The following KATNIP variants were observed in gnomAD, a reference collection of about 807,000 sequenced individuals.
KATNIP encodes katanin-interacting protein.
In KATNIP, 126 loss-of-function variants were observed where a neutral mutation model predicts 174.0. The ratio of observed to expected loss-of-function variants is 0.72; its 90% confidence interval spans 0.63 to 0.84. The LOEUF is 0.84. KATNIP is among the 40% of genes least tolerant of loss of function. KATNIP has a pLI of 0.00. For missense variants in KATNIP, 1,958 were observed against 2,109.7 expected (o/e 0.93, Z 1.41); for synonymous variants, 810 against 835.7 (o/e 0.97, Z 0.53).
At position 27,550,168 on chromosome 16, in the gene KATNIP, G is replaced by C; in HGVS notation, c.-3G>C. On this transcript the variant is annotated 5_prime_UTR_variant, in exon 1 of 28. Transcript: ENST00000261588. ...CGAGCTCCCGGAACCGCCGCCTCTA[G>C]GGATGGACGGTGAGTGTCTGTGGGC... The C allele has an allele frequency of 6.2e-7, 1 of 1,612,362 alleles. No homozygotes were observed. The highest frequency in any genetic ancestry group is 8.5e-7 in the Non-Finnish European group (1 of 1,178,768).
At chr16:27,563,714 A>C (rs766736403) in intron 1 of KATNIP, among the ~76,000 whole-genome samples, 7 of 151,830 alleles carry the variant, frequency 4.6e-5, no homozygotes, top group Non-Finnish European at 1.0e-4. Context: ...CCATAGGAAA[A>C]TCCAGGCAAG....
chr16:27,567,881 T>C (rs1369000952), intron 1 of KATNIP, among the ~76,000 whole-genome samples: 1 of 152,170 alleles, frequency 6.6e-6, no homozygotes, highest in South Asian at 2.1e-4. Flanking sequence ...GGAGGATCGT[T>C]TGTGCCCAGC....
In KATNIP at chr16:27,727,856, T is replaced by C. The variant is rs1170872422; in HGVS notation, c.1743+6161T>C. On this transcript the variant is annotated intron_variant, in intron 14 of 27. Transcript: ENST00000261588. ...TCACACTATTTCACTCATAAATCCT[T>C]CAGTATACATCTCTAACAAAAAAAG... 3.3e-5 allele frequency: 5 copies of C among 152,372 alleles called. No individual in the cohort carries two copies. The East Asian group carries it at 9.6e-4, about 29-fold the overall frequency. 9.4% of individuals were successfully genotyped at this position (152,372 alleles called of 1,614,324 possible).
rs1198495479 is a variant in KATNIP, at chr16:27,654,858, G to A, written c.540+6123G>A. 60 of 879,132 alleles carry A rather than the reference G, an allele frequency of 6.8e-5. No homozygotes were observed. The East Asian group carries it at 2.0e-3, about 29-fold the overall frequency. The allele number at this position is 879,132 out of a possible 1,614,324, so 54.5% of individuals were successfully genotyped here. On this transcript the variant is annotated intron_variant, in intron 6 of 27. Coordinates refer to ENST00000261588, the MANE Select transcript of KATNIP (RefSeq NM_015202.5). The stretch of plus-strand genomic sequence containing the variant: ...TCTAGGAAAACCACAGGGCGGGCAC[G>A]GTGGCTTATACCTGTAATCCCAGCA...
intron 6 of KATNIP, among the ~76,000 whole-genome samples, chr16:27,657,112 T>TA (rs1384753121): frequency 6.6e-6 from 1 of 152,158 alleles, no homozygotes; most frequent in Non-Finnish European, 1.5e-5. Context: ...GTTTGATAGT[T>TA]ACATTGTGGC....
At chr16:27,592,869 C>G (rs2075222052) in intron 2 of KATNIP, among the ~76,000 whole-genome samples, 1 of 152,050 alleles carries the variant, frequency 6.6e-6, no homozygotes, top group Admixed American at 6.6e-5. Flanking sequence ...ATTTTTATTT[C>G]TTACAGCAGC....
At chr16:27,767,586 C>T (rs1272310539) in intron 20 of KATNIP, among the ~76,000 whole-genome samples, 1 of 152,208 alleles carries the variant, frequency 6.6e-6, no homozygotes, top group Admixed American at 6.5e-5. Flanking sequence ...TAGTGGCACA[C>T]ACCTGTAGTC....
intron 5 of KATNIP, among the ~76,000 whole-genome samples, chr16:27,641,041 G>A (rs1454122414): frequency 6.6e-6 from 1 of 152,022 alleles, no homozygotes; most frequent in Admixed American, 6.6e-5. Context: ...GGGAGGCCGA[G>A]GCAGGAGAAT....
intron 13 of KATNIP, among the ~76,000 whole-genome samples, chr16:27,719,515 GGCCCGCCACCAT>G (rs1269744689): frequency 6.6e-6 from 1 of 151,614 alleles, no homozygotes; most frequent in East Asian, 1.9e-4. Flanking sequence ...TGGAATTAGA[GGCCCGCCACCAT>G]GCCCAACTAA....
At chr16:27,757,830 C>T (rs759166644) in intron 18 of KATNIP, among the ~76,000 whole-genome samples, 2 of 152,086 alleles carry the variant, frequency 1.3e-5, no homozygotes, top group Non-Finnish European at 1.5e-5. Context: ...GGGAATGTGT[C>T]GGGGTTGGTA....
At chr16:27,628,428 T>C (rs1471298414) in intron 3 of KATNIP, among the ~76,000 whole-genome samples, 1 of 152,248 alleles carries the variant, frequency 6.6e-6, no homozygotes, top group East Asian at 1.9e-4. Flanking sequence ...AGCCTCAGAA[T>C]GAGAGCTGCA....
rs1047282971 is a variant in KATNIP at position 27,701,627 on chromosome 16, G to A, written c.1218G>A (p.Pro406=). 6.8e-6 allele frequency: 11 copies of A among 1,606,448 alleles called. No individual in the cohort carries two copies. Among genetic ancestry groups the A allele is most frequent in the Non-Finnish European group, 8.5e-6 (10 of 1,177,086 alleles). ...CCACGGCGACTACTACTCAGGAGCC[G>A]GCCGGGGCAGCAGGAGGAGCCAGGG... is the stretch of plus-strand genomic sequence containing the variant. ...PITTATTTQE[P]AGAAGGARAI... Residue 406 remains proline (P), a synonymous_variant, in exon 11 of 28, where the codon CCG becomes CCA. Transcript: ENST00000261588.
intron 14 of KATNIP, among the ~76,000 whole-genome samples, chr16:27,723,788 G>GTCCTCCCT (rs527708154): frequency 1.3e-5 from 2 of 151,620 alleles, no homozygotes; most frequent in East Asian, 1.9e-4. Flanking sequence ...CAGAGAGGCA[G>GTCCTCCCT]TCCTCCCTTC....
intron 11 of KATNIP, among the ~76,000 whole-genome samples, chr16:27,703,338 T>C (rs1417584054): frequency 6.6e-6 from 1 of 151,862 alleles, no homozygotes; most frequent in Non-Finnish European, 1.5e-5. Context: ...CACGTGGGCA[T>C]GTTTGCAAAT....
intron 6 of KATNIP, among the ~76,000 whole-genome samples, chr16:27,659,423 T>C (rs556769699): frequency 2.6e-5 from 4 of 151,854 alleles, no homozygotes; most frequent in African/African-American, 9.7e-5. Context: ...GGTGGGAAGA[T>C]TGCATGACAC....
At position 27,776,159 on chromosome 16, in the gene KATNIP, C is replaced by T. The variant is rs1339889827; in HGVS notation, c.4450-769C>T. On this transcript the variant is annotated intron_variant, in intron 24 of 27. Transcript: ENST00000261588. This position sits in a 1 kb window ranked among gnomAD's most constrained non-coding sequence, Gnocchi z 4.7. ...CCTGACCTTTATTGTTTCCATGGTC[C>T]AGCCAGGAGGCTGGCCCTACCCGAG... is the stretch of plus-strand genomic sequence containing the variant. Among the ~76,000 whole-genome samples, 2 of 152,128 alleles carry T rather than the reference C, an allele frequency of 1.3e-5. No homozygotes were observed. The highest frequency in any genetic ancestry group is 4.8e-5 in the African/African-American group (2 of 41,434).
intron 15 of KATNIP, among the ~76,000 whole-genome samples, chr16:27,742,690 A>G (rs2081153693): frequency 6.6e-6 from 1 of 152,170 alleles, no homozygotes; most frequent in Non-Finnish European, 1.5e-5. Flanking sequence ...ATGAGATCAT[A>G]CTTGTGGGGC....
intron 1 of KATNIP, among the ~76,000 whole-genome samples, chr16:27,569,435 A>G (rs188680174): frequency 4.0e-4 from 61 of 152,362 alleles, no homozygotes; most frequent in Admixed American, 2.0e-3. Flanking sequence ...CATCTGTTCT[A>G]TAAAGTGAAG....
At chr16:27,660,766 G>C (rs2077451873) in intron 6 of KATNIP, among the ~76,000 whole-genome samples, 1 of 151,650 alleles carries the variant, frequency 6.6e-6, no homozygotes, top group African/African-American at 2.4e-5. Flanking sequence ...CCCTCAAGTA[G>C]CTCAGGATAC....
Sources: allele counts gnomAD v4.1 joint callset (sites outside exome capture counted in the v4.1 genomes callset), GRCh38; gene constraint gnomAD v4.1.1; non-coding constraint Gnocchi (gnomAD v3.1); transcripts MANE v1.5; gene names NCBI Gene and HGNC (gene_info 2026-07-23, HGNC 2026-07-21).